The following SEPHS1 variants were observed in gnomAD, a reference collection of about 807,000 sequenced individuals.
The protein encoded by SEPHS1 is zincore component SEPHS1.
A neutral mutation model predicts 39.2 loss-of-function variants in SEPHS1; 7 were observed. That is an observed-to-expected ratio of 0.18 (90% CI 0.10 to 0.34). The LOEUF is 0.34. Among genes scored for constraint, SEPHS1 ranks in the 10% least tolerant of loss-of-function variants. The pLI is 1.00. For missense variants in SEPHS1, 253 were observed against 514.5 expected (o/e 0.49, Z 4.92); for synonymous variants, 190 against 195.5 (o/e 0.97, Z 0.23).
chr10:13,327,713 G>A lies in SEPHS1; in HGVS notation c.751+638C>T, dbSNP rs149418734. ...TCTCTTACACGTGCCTCAGAGGGCTGGGCCAAGGAAGTCCATAGCAGTCGC... is the reference window on the plus strand; with the variant it reads ...TCTCTTACACGTGCCTCAGAGGGCTAGGCCAAGGAAGTCCATAGCAGTCGC... On this transcript the variant is annotated intron_variant, in intron 7 of 8. Coordinates refer to ENST00000327347, the MANE Select transcript of SEPHS1 (RefSeq NM_012247.5). 8.2e-3 allele frequency among the ~76,000 whole-genome samples: 1,249 copies of A among 152,282 alleles called. 5 individuals are homozygous for A. The highest frequency in any genetic ancestry group is 0.017 in the Admixed American group (261 of 15,302).
intron 7 of SEPHS1, among the ~76,000 whole-genome samples, chr10:13,325,726 G>A (rs558249712): frequency 2.0e-5 from 3 of 151,326 alleles, no homozygotes; most frequent in Non-Finnish European, 4.4e-5. Flanking sequence ...GTGAAACCCC[G>A]TCTCTACTAA....
chr10:13,341,940 A>G (rs1833796882), intron 2 of SEPHS1, among the ~76,000 whole-genome samples: 1 of 144,204 alleles, frequency 6.9e-6, no homozygotes, highest in Non-Finnish European at 1.5e-5. Context: ...GCACCACTGT[A>G]CTCAAGCCTG....
chr10:13,343,572 G>A (rs1471830244), intron 2 of SEPHS1, among the ~76,000 whole-genome samples: 1 of 152,152 alleles, frequency 6.6e-6, no homozygotes, highest in Non-Finnish European at 1.5e-5. Context: ...CCAGCACTTT[G>A]GGAGGCTGAG....
At position 13,322,863 on chromosome 10, in the gene SEPHS1, G is replaced by A; in HGVS notation, c.936C>T (p.Leu312=). Residue 312 remains leucine, a synonymous_variant, in exon 8 of 9, where the codon CTC becomes CTT. Transcript: ENST00000327347. The stretch of plus-strand genomic sequence containing the variant: ...AAGTCTCCGGGCAGGTCCCGTGCAT[G>A]AGGCCGAACATGTTTCCGCAGGCCT... The part of the protein sequence containing the change: ...VSKACGNMFG[L]MHGTCPETSG... 6.2e-7 allele frequency: 1 copy of A among 1,613,874 alleles called. No homozygotes were observed. Among genetic ancestry groups the A allele is most frequent in the Non-Finnish European group, 8.5e-7 (1 of 1,179,876 alleles).
At chr10:13,336,589 A>G (rs535579223) in intron 3 of SEPHS1, among the ~76,000 whole-genome samples, 1 of 152,330 alleles carries the variant, frequency 6.6e-6, no homozygotes, top group East Asian at 1.9e-4. Flanking sequence ...TGTGCAGGAC[A>G]AAGAATGTAC....
intron 1 of SEPHS1, 88 bp downstream of exon 1, chr10:13,347,912 G>A (rs1302810685): frequency 3.4e-5 from 5 of 146,622 alleles, no homozygotes; most frequent in East Asian, 2.0e-4. Context: ...GCGGCCCGGA[G>A]GGGGATTTGC....
intron 8 of SEPHS1, among the ~76,000 whole-genome samples, 191 bp from the exon 9 acceptor site, chr10:13,319,547 G>A (rs182059884): frequency 6.6e-6 from 1 of 152,268 alleles, no homozygotes; most frequent in African/African-American, 2.4e-5. Context: ...GGAGTGCAGT[G>A]GTACAATCAC....
intron 8 of SEPHS1, among the ~76,000 whole-genome samples, chr10:13,320,790 T>C (rs932282830): frequency 2.0e-5 from 3 of 152,060 alleles, no homozygotes; most frequent in Non-Finnish European, 4.4e-5. Flanking sequence ...ATCGCGCCAT[T>C]GCACTCCAGC....
intron 6 of SEPHS1, among the ~76,000 whole-genome samples, chr10:13,329,252 A>G (rs1408417116): frequency 6.6e-6 from 1 of 152,254 alleles, no homozygotes; most frequent in Non-Finnish European, 1.5e-5. Flanking sequence ...TGAGTTACTC[A>G]TCAGTTTAAA....
At chr10:13,331,118 A>G (rs1833454461) in intron 5 of SEPHS1, among the ~76,000 whole-genome samples, 1 of 152,112 alleles carries the variant, frequency 6.6e-6, no homozygotes, top group African/African-American at 2.4e-5. Flanking sequence ...GTTTGCTTAG[A>G]ATGATGGTTT....
intron 7 of SEPHS1, among the ~76,000 whole-genome samples, chr10:13,324,338 T>C (rs542344322): frequency 1.3e-5 from 2 of 152,352 alleles, no homozygotes; most frequent in East Asian, 1.9e-4. Context: ...ACTCACCTAC[T>C]GAAGAAATGA....
chr10:13,340,305 G>T (rs939964531), intron 2 of SEPHS1, among the ~76,000 whole-genome samples: 1 of 151,810 alleles, frequency 6.6e-6, no homozygotes, highest in Non-Finnish European at 1.5e-5. Context: ...GGAAGACCTC[G>T]CTTAGGGAAT....
rs1463589294 is a variant in SEPHS1, at chr10:13,347,185, T to C, written c.-79+815A>G. 13 of 112,588 alleles carry C rather than the reference T, an allele frequency of 1.2e-4. No homozygotes were observed. In the Admixed American group the frequency reaches 1.3e-3, roughly 11 times the overall value. The allele number at this position is 112,588 out of a possible 1,614,324, so 7.0% of individuals were successfully genotyped here. ...CCTTCCCGGGCACATTTCCATGGTT[T>C]GGTTTTTTTTTTTCTTCCAACGAGC... On this transcript the variant is annotated intron_variant, in intron 1 of 8. Transcript: ENST00000327347.
chr10:13,321,923 G>A, intron 8 of SEPHS1: 1 of 331,866 alleles, frequency 3.0e-6, no homozygotes, highest in Non-Finnish European at 5.8e-6. Flanking sequence ...AAATGATAAG[G>A]GATATAAAAG....
chr10:13,327,743 G>T (rs745581652), intron 7 of SEPHS1, among the ~76,000 whole-genome samples: 6 of 152,128 alleles, frequency 3.9e-5, no homozygotes, highest in African/African-American at 1.4e-4. Context: ...AGTCGCCCCA[G>T]TGTGAAACAG....
intron 4 of SEPHS1, among the ~76,000 whole-genome samples, chr10:13,335,347 A>G (rs1464478459): frequency 6.6e-6 from 1 of 152,186 alleles, no homozygotes; most frequent in Non-Finnish European, 1.5e-5. Flanking sequence ...CTGAGGCACC[A>G]TTACTATGGC....
intron 8 of SEPHS1, among the ~76,000 whole-genome samples, chr10:13,319,649 G>A (rs1306712013): frequency 1.3e-5 from 2 of 152,066 alleles, no homozygotes; most frequent in African/African-American, 2.4e-5. Context: ...CACCACACCT[G>A]GCTAATTTTC....
intron 2 of SEPHS1, among the ~76,000 whole-genome samples, chr10:13,339,764 G>A (rs1447044993): frequency 6.6e-6 from 1 of 152,104 alleles, no homozygotes; most frequent in Non-Finnish European, 1.5e-5. Flanking sequence ...GATCACCTAT[G>A]ACACCCAATA....
chr10:13,320,306 T>G (rs1019044027), intron 8 of SEPHS1, among the ~76,000 whole-genome samples: 1 of 151,768 alleles, frequency 6.6e-6, no homozygotes. Context: ...CTCAGCCTCC[T>G]GAGTAGCTGG....
Sources: allele counts gnomAD v4.1 joint callset (sites outside exome capture counted in the v4.1 genomes callset), GRCh38; gene constraint gnomAD v4.1.1; transcripts MANE v1.5; gene names NCBI Gene and HGNC (gene_info 2026-07-23, HGNC 2026-07-21).